The following KALRN variants were observed in gnomAD, a reference collection of about 807,000 sequenced individuals.
The protein encoded by KALRN is kalirin RhoGEF kinase.
Under a neutral mutation model 353.7 loss-of-function variants are expected in KALRN, and 70 were observed. The observed-to-expected ratio is 0.20, with a 90% CI of 0.16 to 0.24. The LOEUF is 0.24. Among genes scored for constraint, KALRN ranks in the 10% least tolerant of loss-of-function variants. The probability of loss-of-function intolerance (pLI) is 1.00; values close to 1 mark genes in which losing one functional copy is unlikely to be tolerated. For missense variants in KALRN, 2,791 were observed against 3,756.7 expected, an observed-to-expected ratio of 0.74 and a Z score of 6.72; for synonymous variants, 1,391 against 1,434.8, an observed-to-expected ratio of 0.97 and a Z score of 0.69.
chr3:124,625,964 C>A (rs1205730666), intron 34 of KALRN, among the ~76,000 whole-genome samples: 1 of 151,846 alleles, frequency 6.6e-6, no homozygotes, highest in Non-Finnish European at 1.5e-5. Flanking sequence ...GCCTGTAATC[C>A]CAGCTACACC....
At chr3:124,547,618 T>C (rs2069859399) in intron 33 of KALRN, among the ~76,000 whole-genome samples, 1 of 151,976 alleles carries the variant, frequency 6.6e-6, no homozygotes, top group Non-Finnish European at 1.5e-5. Context: ...GTACCCAGAG[T>C]GACTGTCTCT....
At chr3:124,457,395 A>G (rs1299469192) in intron 23 of KALRN, among the ~76,000 whole-genome samples, 1 of 152,128 alleles carries the variant, frequency 6.6e-6, no homozygotes, top group South Asian at 2.1e-4. Flanking sequence ...TCTAATTCCC[A>G]TCAATAGTGT....
intron 6 of KALRN, among the ~76,000 whole-genome samples, chr3:124,302,856 T>C (rs2077375201): frequency 1.3e-5 from 2 of 152,326 alleles, no homozygotes; most frequent in South Asian, 4.1e-4. Flanking sequence ...GGTATCTCTC[T>C]GTATGTCTTA....
At chr3:124,094,534 C>A in intron 1 of KALRN, 1 of 435,386 alleles carries the variant, frequency 2.3e-6, no homozygotes, top group Non-Finnish European at 4.3e-6. Context: ...CACTGCAAAC[C>A]TCGCGTCTTT....
chr3:124,183,921 A>G (rs1221539412), intron 1 of KALRN, among the ~76,000 whole-genome samples: 1 of 152,218 alleles, frequency 6.6e-6, no homozygotes, highest in African/African-American at 2.4e-5. Flanking sequence ...TCAGAATCCT[A>G]TAGGTCAAGA....
At chr3:124,298,996 C>G in intron 6 of KALRN, 83 bp downstream of exon 6, 1 of 1,554,140 alleles carries the variant, frequency 6.4e-7, no homozygotes, top group Non-Finnish European at 8.9e-7. Context: ...AACAGACTTT[C>G]CACCCGAGGA....
At chr3:124,656,406 C>T (rs974688246) in intron 39 of KALRN, among the ~76,000 whole-genome samples, 12 of 152,042 alleles carry the variant, frequency 7.9e-5, no homozygotes, top group South Asian at 2.1e-4. Context: ...GTCAGGAGAT[C>T]GAGACCGTCC....
intron 5 of KALRN, among the ~76,000 whole-genome samples, chr3:124,282,901 G>T (rs1287531954): frequency 1.3e-5 from 2 of 152,178 alleles, no homozygotes; most frequent in African/African-American, 4.8e-5. Flanking sequence ...GAGCCCCATT[G>T]CAGAGGCTGC....
At chr3:124,069,431 C>T (rs144656422) in intron 1 of KALRN, among the ~76,000 whole-genome samples, 6,782 of 151,822 alleles carry the variant, frequency 0.045, 352 homozygotes, top group African/African-American at 0.13. Flanking sequence ...AGAGCTGAGT[C>T]GACACGTGTC....
intron 10 of KALRN, among the ~76,000 whole-genome samples, chr3:124,372,809 A>G (rs2086028608): frequency 6.6e-6 from 1 of 152,062 alleles, no homozygotes; most frequent in Non-Finnish European, 1.5e-5. Flanking sequence ...TGTTAAATAG[A>G]TCACTGTCCT....
chr3:124,316,761 C>A (rs1302725769), intron 6 of KALRN, among the ~76,000 whole-genome samples: 1 of 152,208 alleles, frequency 6.6e-6, no homozygotes. Context: ...TTGTCTGACT[C>A]TTCTACTAAA....
intron 2 of KALRN, among the ~76,000 whole-genome samples, chr3:124,232,904 A>G (rs2148554830): frequency 6.6e-6 from 1 of 152,262 alleles, no homozygotes; most frequent in African/African-American, 2.4e-5. Flanking sequence ...CAGAAACTTG[A>G]TTCTGTTTCC....
At chr3:124,512,997 T>A (rs1306304403) in intron 33 of KALRN, among the ~76,000 whole-genome samples, 2 of 152,150 alleles carry the variant, frequency 1.3e-5, no homozygotes, top group African/African-American at 4.8e-5. Context: ...GACGAGCAGG[T>A]GCCTAGCAGA....
intron 18 of KALRN, among the ~76,000 whole-genome samples, chr3:124,441,407 T>C (rs951006285): frequency 6.6e-6 from 1 of 152,152 alleles, no homozygotes; most frequent in Admixed American, 6.5e-5. Flanking sequence ...AATTCTTCAC[T>C]TGAAAAAAGG....
chr3:124,402,714 G>A (rs1054959594), intron 13 of KALRN, among the ~76,000 whole-genome samples: 21 of 152,060 alleles, frequency 1.4e-4, no homozygotes, highest in Non-Finnish European at 1.9e-4. Context: ...AAAAACGTTC[G>A]GTCACTGCCT....
chr3:124,199,993 C>A (rs1182817253), intron 1 of KALRN, among the ~76,000 whole-genome samples: 1 of 152,144 alleles, frequency 6.6e-6, no homozygotes, highest in Non-Finnish European at 1.5e-5. Flanking sequence ...TGGTATTTGC[C>A]AGATTCCCCA....
intron 1 of KALRN, among the ~76,000 whole-genome samples, chr3:124,144,249 A>G (rs1286156826): frequency 6.6e-6 from 1 of 152,104 alleles, no homozygotes; most frequent in Non-Finnish European, 1.5e-5. Flanking sequence ...TGTTCAGCTA[A>G]AAATAGCAGC....
chr3:124,062,521 G>A (rs1258456665), intron 1 of KALRN, among the ~76,000 whole-genome samples: 1 of 152,016 alleles, frequency 6.6e-6, no homozygotes, highest in Non-Finnish European at 1.5e-5. Context: ...CCACAGCTTA[G>A]CCTTCCTGAA....
intron 34 of KALRN, among the ~76,000 whole-genome samples, chr3:124,577,251 G>A (rs1199182611): frequency 6.6e-6 from 1 of 152,038 alleles, no homozygotes; most frequent in East Asian, 1.9e-4. Flanking sequence ...CTGAGCTGGG[G>A]CCTCTCTTAA....
Sources: allele counts gnomAD v4.1 joint callset (sites outside exome capture counted in the v4.1 genomes callset), GRCh38; gene constraint gnomAD v4.1.1; transcripts MANE v1.5; gene names NCBI Gene and HGNC (gene_info 2026-07-23, HGNC 2026-07-21).